ETV1: variants seen among roughly 807,000 people sequenced by gnomAD.
The protein encoded by ETV1 is ETS variant transcription factor 1.
Under a neutral mutation model 62.3 loss-of-function variants are expected in ETV1, and 27 were observed. That is an observed-to-expected ratio of 0.43 (90% CI 0.32 to 0.60). The LOEUF (loss-of-function observed/expected upper bound fraction) is 0.60, where lower values mean the gene tolerates loss of function less well. ETV1 is among the 20% of genes least tolerant of loss of function. ETV1 has a pLI of 0.06. For missense variants in ETV1, 605 were observed against 605.8 expected (o/e 1.00, Z 0.01); for synonymous variants, 222 against 199.6 (o/e 1.11, Z -0.94).
chr7:13,967,536 G>A (rs1483314702), intron 6 of ETV1, among the ~76,000 whole-genome samples: 1 of 151,936 alleles, frequency 6.6e-6, no homozygotes, highest in East Asian at 1.9e-4. Context: ...CTTAGCTACT[G>A]TCAAATGCAA....
chr7:13,921,606 A>T (rs1042648992), intron 9 of ETV1, among the ~76,000 whole-genome samples: 2 of 152,204 alleles, frequency 1.3e-5, no homozygotes, highest in African/African-American at 4.8e-5. Context: ...AAGAGGATAA[A>T]CAGAAAAACT....
At chr7:13,944,296 G>A (rs1264549823) in intron 6 of ETV1, among the ~76,000 whole-genome samples, 1 of 152,186 alleles carries the variant, frequency 6.6e-6, no homozygotes, top group African/African-American at 2.4e-5. Flanking sequence ...AGTTCTGGAA[G>A]CTGGGAAATC....
intron 9 of ETV1, among the ~76,000 whole-genome samples, chr7:13,911,774 T>A (rs79332002): frequency 6.6e-6 from 1 of 152,068 alleles, no homozygotes; most frequent in Non-Finnish European, 1.5e-5. Flanking sequence ...ATACTATGCC[T>A]TCTTCATATG....
At chr7:13,963,678 A>G (rs1449762287) in intron 6 of ETV1, among the ~76,000 whole-genome samples, 1 of 152,188 alleles carries the variant, frequency 6.6e-6, no homozygotes, top group African/African-American at 2.4e-5. Flanking sequence ...GTTTGTATAT[A>G]TTAGCCTGCT....
intron 6 of ETV1, among the ~76,000 whole-genome samples, chr7:13,967,578 T>C (rs1562694429): frequency 6.6e-6 from 1 of 152,052 alleles, no homozygotes; most frequent in African/African-American, 2.4e-5. Flanking sequence ...AACAATAGCA[T>C]CTAACCAAAA....
At position 13,891,826 on chromosome 7, in the gene ETV1, A is replaced by G. The variant is rs1213853791; in HGVS notation, c.*4040T>C. 4.3e-6 allele frequency: 1 copy of G among 231,546 alleles called. No individual in the cohort carries two copies. The highest frequency in any genetic ancestry group is 5.6e-5 in the Admixed American group (1 of 17,728). 14.3% of individuals were successfully genotyped at this position (231,546 alleles called of 1,614,324 possible). A position where few individuals can be genotyped will look rare whatever the true frequency, so the allele number is the denominator to read the frequency against. On this transcript the variant is annotated 3_prime_UTR_variant, in exon 14 of 14. Coordinates refer to ENST00000430479, the MANE Select transcript of ETV1 (RefSeq NM_004956.5). ...AATAATTCTATTTCCTCTCTTCTCCATACCAAATCGCAAATGGAAAATAGC... is the reference window on the plus strand; with the variant it reads ...AATAATTCTATTTCCTCTCTTCTCCGTACCAAATCGCAAATGGAAAATAGC...
At chr7:13,979,823 T>C (rs4721288) in intron 5 of ETV1, among the ~76,000 whole-genome samples, 86,116 of 151,902 alleles carry the variant, frequency 0.57, 24,693 homozygotes, top group Admixed American at 0.62. Flanking sequence ...GTATGAATGT[T>C]CTAAAGGTCT....
At chr7:13,926,935 C>A (rs1249088969) in intron 9 of ETV1, among the ~76,000 whole-genome samples, 1 of 152,050 alleles carries the variant, frequency 6.6e-6, no homozygotes, top group African/African-American at 2.4e-5. Flanking sequence ...GTTGAAATTG[C>A]ATTCCTGTAA....
At chr7:13,981,171 TA>T in intron 5 of ETV1, among the ~76,000 whole-genome samples, 1 of 152,142 alleles carries the variant, frequency 6.6e-6, no homozygotes, top group South Asian at 2.1e-4. Flanking sequence ...AATATTTAAT[TA>T]AAACCAGTTC....
At chr7:13,933,015 C>T (rs1786370129) in intron 8 of ETV1, among the ~76,000 whole-genome samples, 1 of 152,142 alleles carries the variant, frequency 6.6e-6, no homozygotes, top group Non-Finnish European at 1.5e-5. Flanking sequence ...TCGGATATTG[C>T]AGAGCAGTTA....
At chr7:13,975,575 A>G (rs1034532729) in intron 6 of ETV1, among the ~76,000 whole-genome samples, 6 of 135,956 alleles carry the variant, frequency 4.4e-5, no homozygotes, top group Non-Finnish European at 6.3e-5. Flanking sequence ...AAAAAAAAAA[A>G]AAAAGAAAAG....
At chr7:13,924,089 C>G (rs1231479281) in intron 9 of ETV1, among the ~76,000 whole-genome samples, 1 of 151,686 alleles carries the variant, frequency 6.6e-6, no homozygotes, top group Non-Finnish European at 1.5e-5. Context: ...GAAAAAGCAC[C>G]CTATTCCTCA....
intron 6 of ETV1, among the ~76,000 whole-genome samples, chr7:13,940,904 G>C (rs1253673815): frequency 6.6e-6 from 1 of 152,054 alleles, no homozygotes; most frequent in Non-Finnish European, 1.5e-5. Flanking sequence ...AAATATTCTA[G>C]AAAACAAATT....
intron 8 of ETV1, among the ~76,000 whole-genome samples, chr7:13,934,639 G>T (rs372063076): frequency 5.3e-5 from 8 of 152,304 alleles, no homozygotes; most frequent in African/African-American, 1.9e-4. Context: ...GTTAAAAACA[G>T]AAGATAAAAA....
chr7:13,929,439 G>A (rs1785827281), intron 9 of ETV1, among the ~76,000 whole-genome samples: 1 of 152,184 alleles, frequency 6.6e-6, no homozygotes, highest in Non-Finnish European at 1.5e-5. Context: ...GTCAAGTTTA[G>A]TAGCTGAGGA....
intron 6 of ETV1, among the ~76,000 whole-genome samples, chr7:13,962,928 C>T (rs949017996): frequency 4.6e-5 from 7 of 152,072 alleles, no homozygotes; most frequent in African/African-American, 9.7e-5. Context: ...ACTTATTTTA[C>T]GTCTTTAATT....
In ETV1 at chr7:13,893,262, C is replaced by T. The variant is rs1448649942; in HGVS notation, c.*2604G>A. On this transcript the variant is annotated 3_prime_UTR_variant, in exon 14 of 14. Transcript: ENST00000430479. ...CCAATTCAATGAGAAATTCAAAACACAAGAATCTTGCAGAAATCAGCTGCC... is the reference window on the plus strand; with the variant it reads ...CCAATTCAATGAGAAATTCAAAACATAAGAATCTTGCAGAAATCAGCTGCC... 4.3e-6 allele frequency: 1 copy of T among 232,254 alleles called. No homozygotes were observed. Among genetic ancestry groups the T allele is most frequent in the Non-Finnish European group, 8.5e-6 (1 of 117,534 alleles). 14.4% of individuals were successfully genotyped at this position (232,254 alleles called of 1,614,324 possible). A position where few individuals can be genotyped will look rare whatever the true frequency, so the allele number is the denominator to read the frequency against.
In ETV1 at chr7:13,931,653, C is replaced by A. The variant is rs1413426753; in HGVS notation, c.651G>T (p.Glu217Asp). The A allele has an allele frequency of 1.2e-6, 2 of 1,613,900 alleles. No individual in the cohort carries two copies. The highest frequency in any genetic ancestry group is 1.7e-6 in the Non-Finnish European group (2 of 1,179,906). Reference sequence around the variant, plus strand: ...CTTGTGGTGGGAAGGGGATGTTTGGCTCAGACATCTGGCGTTGGTACATAG... The same window carrying A: ...CTTGTGGTGGGAAGGGGATGTTTGGATCAGACATCTGGCGTTGGTACATAG... The part of the protein sequence containing the change: ...GRPMYQRQMS[E>D]PNIPFPPQGF... Residue 217 changes from glutamate (E) to aspartate (D), a missense_variant, in exon 9 of 14, where the codon GAG becomes GAT. Glu to Asp is a conservative substitution (Grantham distance 45). Coordinates refer to ENST00000430479, the MANE Select transcript of ETV1 (RefSeq NM_004956.5).
At chr7:13,908,541 A>G (rs1429363189) in intron 11 of ETV1, among the ~76,000 whole-genome samples, 1 of 152,164 alleles carries the variant, frequency 6.6e-6, no homozygotes, top group Non-Finnish European at 1.5e-5. Flanking sequence ...TGCAAAGCTT[A>G]AAGCTAACAT....
Sources: gnomAD v4.1 joint callset for allele counts (sites outside exome capture counted in the v4.1 genomes callset) on GRCh38, gnomAD v4.1.1 for gene constraint, MANE v1.5 for transcripts, NCBI Gene and HGNC (gene_info 2026-07-23, HGNC 2026-07-21) for gene names.